ODR4: variants seen among roughly 807,000 people sequenced by gnomAD.
ODR4 encodes the protein protein odr-4 homolog.
Under a neutral mutation model 60.2 loss-of-function variants are expected in ODR4, and 47 were observed. The ratio of observed to expected loss-of-function variants is 0.78; its 90% CI spans 0.62 to 1.00. The LOEUF (loss-of-function observed/expected upper bound fraction) is 1.00. ODR4 is among the 50% of genes least tolerant of loss of function. ODR4 has a pLI of 0.00. For missense variants in ODR4, 488 were observed against 530.8 expected (o/e 0.92, Z 0.79); for synonymous variants, 178 against 175.5 (o/e 1.01, Z -0.11).
At chr1:186,407,544 C>T (rs1439673174) in intron 12 of ODR4, among the ~76,000 whole-genome samples, 1 of 152,092 alleles carries the variant, frequency 6.6e-6, no homozygotes, top group Non-Finnish European at 1.5e-5. Context: ...AATTTAACCT[C>T]TTAATACTGA....
At chr1:186,418,722 C>T (rs1345963484) in intron 13 of ODR4, among the ~76,000 whole-genome samples, 3 of 152,090 alleles carry the variant, frequency 2.0e-5, no homozygotes, top group Admixed American at 6.5e-5. Context: ...TTTATATAAG[C>T]CCTTTAAAGT....
chr1:186,421,547 G>C (rs1661776577), downstream of ODR4, among the ~76,000 whole-genome samples: 1 of 152,080 alleles, frequency 6.6e-6, no homozygotes, highest in South Asian at 2.1e-4. Flanking sequence ...GTAGTCAAGA[G>C]TTCAAGGGTA....
chr1:186,398,244 TAA>T, intron 9 of ODR4, 67 bp from the exon 10 acceptor site: 1 of 1,351,418 alleles, frequency 7.4e-7, no homozygotes, highest in South Asian at 1.9e-5. Context: ...ATCGCTAATA[TAA>T]TGTTTAAATA....
the ODR4 span, among the ~76,000 whole-genome samples, chr1:186,428,796 T>C: frequency 2.6e-5 from 4 of 152,138 alleles, no homozygotes; most frequent in African/African-American, 4.8e-5. Flanking sequence ...AGAATAGGGA[T>C]AGGGAGAAAG....
At chr1:186,416,292 T>A (rs1185819768) in intron 12 of ODR4, among the ~76,000 whole-genome samples, 1 of 152,080 alleles carries the variant, frequency 6.6e-6, no homozygotes, top group African/African-American at 2.4e-5. Context: ...TCCCAGCACT[T>A]TGGGAGGCCG....
At chr1:186,415,544 C>G (rs1409707242) in intron 12 of ODR4, among the ~76,000 whole-genome samples, 1 of 152,128 alleles carries the variant, frequency 6.6e-6, no homozygotes, top group Non-Finnish European at 1.5e-5. Flanking sequence ...TATAGAGTAG[C>G]ATTCTAATGT....
intron 8 of ODR4, among the ~76,000 whole-genome samples, 160 bp downstream of exon 8, chr1:186,391,951 A>C (rs1660484025): frequency 6.6e-6 from 1 of 152,244 alleles, no homozygotes; most frequent in Non-Finnish European, 1.5e-5. Context: ...TTAGAAAAAC[A>C]ACCTCATTAA....
At chr1:186,421,873 A>AC (rs1290737559), downstream of ODR4, among the ~76,000 whole-genome samples, 2 of 142,554 alleles carry the variant, frequency 1.4e-5, no homozygotes, top group Non-Finnish European at 3.1e-5. Flanking sequence ...AAAAAAAAAA[A>AC]AAAAAAATGA....
intron 12 of ODR4, among the ~76,000 whole-genome samples, chr1:186,412,105 G>T (rs1386831350): frequency 6.6e-6 from 1 of 152,088 alleles, no homozygotes; most frequent in Non-Finnish European, 1.5e-5. Flanking sequence ...TATGTATTAG[G>T]ATTCTACAGA....
intron 8 of ODR4, among the ~76,000 whole-genome samples, chr1:186,393,132 C>T (rs1485774187): frequency 6.6e-6 from 1 of 151,996 alleles, no homozygotes. Context: ...AAAACACACA[C>T]TAAAAGGAGG....
intron 4 of ODR4, among the ~76,000 whole-genome samples, chr1:186,386,696 T>C (rs543593316): frequency 1.4e-4 from 21 of 152,298 alleles, no homozygotes; most frequent in African/African-American, 5.1e-4. Flanking sequence ...CAGTTTTTCT[T>C]ATGCAATAGC....
At chr1:186,400,893 A>T in intron 11 of ODR4, 1 of 635,934 alleles carries the variant, frequency 1.6e-6, no homozygotes, top group Non-Finnish European at 2.8e-6. Flanking sequence ...CTGTTCACAT[A>T]GTCCATCAGT....
At chr1:186,379,943 A>G in intron 2 of ODR4, 59 bp downstream of exon 2, 1 of 1,018,374 alleles carries the variant, frequency 9.8e-7, no homozygotes, top group South Asian at 1.9e-5. Context: ...TTATTTTAAA[A>G]ATTACTTGTT....
chr1:186,402,355 CTTTTCCTTTTCT>C (rs138946680), intron 11 of ODR4, among the ~76,000 whole-genome samples: 6,579 of 146,856 alleles, frequency 0.045, 483 homozygotes, highest in African/African-American at 0.16. Context: ...TTTCCTTTTC[CTTTTCCTTTTCT>C]CTCTCCTTCC....
Position 186,420,992 on chromosome 1 carries a change from A to G in ODR4, c.*1916A>G, listed in dbSNP as rs1661752893. ...CAAATACAAGATTTTAAAAGCAACCATGGGGAGAAAAAGATCAGTGAAAGC... is the reference window on the plus strand; with the variant it reads ...CAAATACAAGATTTTAAAAGCAACCGTGGGGAGAAAAAGATCAGTGAAAGC... On this transcript the variant is annotated 3_prime_UTR_variant, in exon 14 of 14. Transcript: ENST00000287859. The G allele has an allele frequency of 1.3e-5, 2 of 152,218 alleles. No individual in the cohort carries two copies. The highest frequency in any genetic ancestry group is 1.3e-4 in the Admixed American group (2 of 15,276). 9.4% of individuals were successfully genotyped at this position (152,218 alleles called of 1,614,324 possible).
the ODR4 span, among the ~76,000 whole-genome samples, chr1:186,427,615 T>C: frequency 2.0e-5 from 3 of 152,250 alleles, no homozygotes; most frequent in Non-Finnish European, 4.4e-5. Flanking sequence ...GTTGATATTT[T>C]CACCTGCTTC....
At chr1:186,384,354 G>A (rs1450066822) in intron 3 of ODR4, among the ~76,000 whole-genome samples, 8 of 151,964 alleles carry the variant, frequency 5.3e-5, no homozygotes, top group Non-Finnish European at 1.0e-4. Flanking sequence ...TCACTGCTCT[G>A]AGGATGGAAC....
At chr1:186,431,014 A>C in the ODR4 span, among the ~76,000 whole-genome samples, 106 of 152,314 alleles carry the variant, frequency 7.0e-4, 2 homozygotes, top group African/African-American at 2.5e-3. Context: ...TACACAACTA[A>C]GAAAACATAA....
At chr1:186,409,811 TGG>T (rs1442835008) in intron 12 of ODR4, among the ~76,000 whole-genome samples, 1 of 152,182 alleles carries the variant, frequency 6.6e-6, no homozygotes, top group East Asian at 1.9e-4. Flanking sequence ...CCCAAAGTGC[TGG>T]GATTACAGGT....
Sources: gnomAD v4.1 joint callset for allele counts (sites outside exome capture counted in the v4.1 genomes callset) on GRCh38, gnomAD v4.1.1 for gene constraint, MANE v1.5 for transcripts, NCBI Gene and HGNC (gene_info 2026-07-23, HGNC 2026-07-21) for gene names.